KCNH1: variants seen among roughly 807,000 people sequenced by gnomAD.
The protein encoded by KCNH1 is voltage-gated delayed rectifier potassium channel KCNH1.
KCNH1 carries 27 observed loss-of-function variants against 69.2 expected under a neutral mutation model. That is an observed-to-expected ratio of 0.39 (90% CI 0.29 to 0.54). KCNH1 has a LOEUF of 0.54. Among genes scored for constraint, KCNH1 ranks in the 20% least tolerant of loss-of-function variants. The pLI, the probability that KCNH1 is intolerant of heterozygous loss-of-function variation, is 0.68. For synonymous variants in KCNH1, 456 were observed against 487.7 expected (o/e 0.93, Z 0.86); for missense variants, 798 against 1,261.6 (o/e 0.63, Z 5.57).
chr1:210,970,526 T>G (rs1472897783), intron 6 of KCNH1, among the ~76,000 whole-genome samples: 8 of 151,938 alleles, frequency 5.3e-5, no homozygotes, highest in Admixed American at 5.3e-4. Context: ...CTGACAAAAA[T>G]AAGCAATGGG....
intron 9 of KCNH1, among the ~76,000 whole-genome samples, chr1:210,784,041 C>A (rs1377827494): frequency 6.6e-6 from 1 of 152,150 alleles, no homozygotes; most frequent in Admixed American, 6.5e-5. Context: ...TGAACTGAAA[C>A]CTTTGTAATA....
At chr1:210,754,794 G>GT (rs2102342627) in intron 10 of KCNH1, among the ~76,000 whole-genome samples, 1 of 151,072 alleles carries the variant, frequency 6.6e-6, no homozygotes, top group South Asian at 2.1e-4. Flanking sequence ...CCAGTCTCAG[G>GT]TATTTCTTTA....
chr1:210,960,278 T>C (rs1688268661), intron 6 of KCNH1, among the ~76,000 whole-genome samples: 1 of 152,178 alleles, frequency 6.6e-6, no homozygotes, highest in African/African-American at 2.4e-5. Flanking sequence ...AAATTTTAGG[T>C]TTCCATTTCT....
At chr1:211,016,190 T>G (rs939566432) in intron 6 of KCNH1, among the ~76,000 whole-genome samples, 14 of 151,910 alleles carry the variant, frequency 9.2e-5, no homozygotes, top group Non-Finnish European at 1.0e-4. Flanking sequence ...ATATACAGTT[T>G]GTTTGGAAGG....
intron 7 of KCNH1, among the ~76,000 whole-genome samples, chr1:210,885,237 C>G (rs1686576676): frequency 6.6e-6 from 1 of 152,220 alleles, no homozygotes; most frequent in South Asian, 2.1e-4. Flanking sequence ...ACTGGTTAGA[C>G]AGTGAGTGCA....
At chr1:210,859,180 C>T (rs1685920228) in intron 7 of KCNH1, 2 of 1,573,306 alleles carry the variant, frequency 1.3e-6, no homozygotes, top group Admixed American at 3.3e-5. Flanking sequence ...TAACTCAATT[C>T]ATCCCTGGTA....
chr1:211,103,615 A>G lies in KCNH1; in HGVS notation c.204-13T>C. The G allele has an allele frequency of 6.5e-7, 1 of 1,535,398 alleles. No homozygotes were observed. The highest frequency in any genetic ancestry group is 9.0e-7 in the Non-Finnish European group (1 of 1,113,224). On this transcript the variant is annotated splice_polypyrimidine_tract_variant and intron_variant, in intron 2 of 10. Transcript: ENST00000271751. ...CCCATACATAAAACTGCAAACAACC[A>G]AAGAACTCAAGTTAGATTAAGAAGT... is the stretch of plus-strand genomic sequence containing the variant.
At chr1:210,806,834 A>ATAT in intron 7 of KCNH1, among the ~76,000 whole-genome samples, 1 of 67,776 alleles carries the variant, frequency 1.5e-5, no homozygotes, top group Admixed American at 1.6e-4. Context: ...AAAAAAAAAA[A>ATAT]AAATATATAT....
intron 5 of KCNH1, among the ~76,000 whole-genome samples, chr1:211,031,619 T>G (rs955281553): frequency 6.6e-6 from 1 of 152,098 alleles, no homozygotes; most frequent in African/African-American, 2.4e-5. Context: ...TGCAAATCAA[T>G]AAAAATAATC....
At position 210,996,058 on chromosome 1, in the gene KCNH1, G is replaced by A. The variant is rs541646603; in HGVS notation, c.1032+22725C>T. Among the ~76,000 whole-genome samples the A allele has an allele frequency of 1.8e-4, 28 of 152,310 alleles. No homozygotes were observed. The South Asian group carries it at 2.3e-3, about 12-fold the overall frequency. On this transcript the variant is annotated intron_variant, in intron 6 of 10. Coordinates refer to ENST00000271751, the MANE Select transcript of KCNH1 (RefSeq NM_172362.3). ...CTGGTCTACAGCTCCCAGCGTGAGC[G>A]ACGGAGAAGACAGGTGATTTCTGCA...
At chr1:210,912,389 G>A (rs1687252263) in intron 7 of KCNH1, among the ~76,000 whole-genome samples, 1 of 151,064 alleles carries the variant, frequency 6.6e-6, no homozygotes, top group African/African-American at 2.4e-5. Context: ...TCTGCAGTCA[G>A]GCCAACTTTT....
At chr1:211,052,884 G>A (rs574804564) in intron 5 of KCNH1, among the ~76,000 whole-genome samples, 2 of 152,206 alleles carry the variant, frequency 1.3e-5, no homozygotes, top group Non-Finnish European at 2.9e-5. Flanking sequence ...TGCCTGTAGA[G>A]GTGACTGGCT....
intron 10 of KCNH1, among the ~76,000 whole-genome samples, chr1:210,734,040 C>T (rs1051010457): frequency 6.6e-6 from 1 of 151,910 alleles, no homozygotes; most frequent in African/African-American, 2.4e-5. Context: ...AAAAGCCAGT[C>T]CTAATTCTGA....
At chr1:210,920,720 AAGAAATAGCTG>A (rs1412526596) in intron 6 of KCNH1, among the ~76,000 whole-genome samples, 1 of 152,228 alleles carries the variant, frequency 6.6e-6, no homozygotes, top group African/African-American at 2.4e-5. Context: ...AAAATAAATT[AAGAAATAGCTG>A]AGAAGAATAA....
At chr1:210,933,957 G>T (rs1436919778) in intron 6 of KCNH1, among the ~76,000 whole-genome samples, 2 of 152,176 alleles carry the variant, frequency 1.3e-5, no homozygotes, top group Non-Finnish European at 1.5e-5. Flanking sequence ...TTCAATAAAT[G>T]ATGTTGGGGA....
intron 5 of KCNH1, among the ~76,000 whole-genome samples, chr1:211,056,253 C>T (rs541857867): frequency 2.6e-5 from 4 of 151,610 alleles, no homozygotes; most frequent in South Asian, 2.1e-4. Flanking sequence ...GAGTGAACAT[C>T]GGCAGTAGCC....
At chr1:210,978,351 T>C (rs570241646) in intron 6 of KCNH1, among the ~76,000 whole-genome samples, 45 of 152,324 alleles carry the variant, frequency 3.0e-4, no homozygotes, top group Non-Finnish European at 1.8e-4. Context: ...TTTAATTCTT[T>C]AAATATAGTT....
chr1:210,998,707 A>G (rs1420691581), intron 6 of KCNH1, among the ~76,000 whole-genome samples: 1 of 152,226 alleles, frequency 6.6e-6, no homozygotes, highest in Non-Finnish European at 1.5e-5. Flanking sequence ...AACAGAATAT[A>G]CATTCTTTTC....
chr1:211,075,876 C>T (rs1209858055), intron 5 of KCNH1, among the ~76,000 whole-genome samples: 1 of 152,186 alleles, frequency 6.6e-6, no homozygotes, highest in Non-Finnish European at 1.5e-5. Flanking sequence ...ATACTCCCAC[C>T]CAAATACTGT....
Sources: allele counts gnomAD v4.1 joint callset (sites outside exome capture counted in the v4.1 genomes callset), GRCh38; gene constraint gnomAD v4.1.1; transcripts MANE v1.5; gene names NCBI Gene and HGNC (gene_info 2026-07-23, HGNC 2026-07-21).